WDTC1: variants seen among roughly 807,000 people sequenced by gnomAD.
WDTC1 encodes the protein WD and tetratricopeptide repeats 1.
In WDTC1, 12 loss-of-function variants were observed where a neutral mutation model predicts 76.0. The observed-to-expected ratio is 0.16, with a 90% CI of 0.10 to 0.26. WDTC1 has a LOEUF of 0.26. Ranked by LOEUF, WDTC1 falls within the 10% of genes least tolerant of loss-of-function variation. WDTC1 has a pLI of 1.00. For missense variants in WDTC1, 511 were observed against 908.8 expected (o/e 0.56, Z 5.63); for synonymous variants, 326 against 350.8 (o/e 0.93, Z 0.79).
At chr1:27,247,768 GAGTGCAATGGCGTAGTCTC>G (rs890613879) in intron 1 of WDTC1, among the ~76,000 whole-genome samples, 30 of 149,528 alleles carry the variant, frequency 2.0e-4, no homozygotes, top group African/African-American at 6.2e-4. Flanking sequence ...GCCCAGCCTG[GAGTGCAATGGCGTAGTCTC>G]AGCTCACTAC....
chr1:27,303,872 T>G lies in WDTC1; in HGVS notation c.1643+77T>G. The G allele has an allele frequency of 6.4e-7, 1 of 1,565,450 alleles. No homozygotes were observed. The highest frequency in any genetic ancestry group is 8.7e-7 in the Non-Finnish European group (1 of 1,151,840). Reference sequence around the variant, plus strand: ...GTGGGGAGTGTTGGGGCATAATGGTTTCAGAGAAGAATCTCAAATCCCTGC... The same window carrying G: ...GTGGGGAGTGTTGGGGCATAATGGTGTCAGAGAAGAATCTCAAATCCCTGC... On this transcript the variant is annotated intron_variant, in intron 14 of 15. Transcript: ENST00000319394. The surrounding 1 kb of genome is among the most constrained non-coding windows in gnomAD (Gnocchi z 4.8).
intron 3 of WDTC1, among the ~76,000 whole-genome samples, chr1:27,268,153 T>C (rs2012732221): frequency 6.6e-6 from 1 of 152,124 alleles, no homozygotes; most frequent in African/African-American, 2.4e-5. Context: ...TTTGAGAAAT[T>C]TCACAGGCGA....
chr1:27,295,360 A>G (rs1307620239), intron 9 of WDTC1, among the ~76,000 whole-genome samples: 2 of 152,242 alleles, frequency 1.3e-5, no homozygotes, highest in East Asian at 1.9e-4. Flanking sequence ...GACCTGTCCA[A>G]GGAATCATGA....
chr1:27,236,877 T>A (rs2011500371), intron 1 of WDTC1, among the ~76,000 whole-genome samples: 1 of 152,184 alleles, frequency 6.6e-6, no homozygotes, highest in Non-Finnish European at 1.5e-5. Context: ...CTTGCTCTGT[T>A]GCCCAGGCTG....
chr1:27,305,676 C>G lies in WDTC1; in HGVS notation c.1836+483C>G, dbSNP rs1462136789. Among the ~76,000 whole-genome samples the G allele has an allele frequency of 1.3e-5, 2 of 152,116 alleles. No individual in the cohort carries two copies. Among genetic ancestry groups the G allele is most frequent in the Non-Finnish European group, 2.9e-5 (2 of 68,004 alleles). On this transcript the variant is annotated intron_variant, in intron 15 of 15. Transcript: ENST00000319394. The surrounding 1 kb of genome is among the most constrained non-coding windows in gnomAD (Gnocchi z 4.6). ...AGCTGGCTTGGTGCCTCCCCTTCCCCTCTGCCCTACTGCTTCCCTCTTCCC... is the reference window on the plus strand; with the variant it reads ...AGCTGGCTTGGTGCCTCCCCTTCCCGTCTGCCCTACTGCTTCCCTCTTCCC...
intron 1 of WDTC1, among the ~76,000 whole-genome samples, chr1:27,251,146 C>T (rs1437564021): frequency 6.9e-6 from 1 of 145,810 alleles, no homozygotes; most frequent in African/African-American, 2.5e-5. Context: ...CCACCTTGGC[C>T]TCCCAAAATG....
intron 1 of WDTC1, among the ~76,000 whole-genome samples, chr1:27,260,270 A>G (rs1434435817): frequency 6.6e-6 from 1 of 151,924 alleles, no homozygotes; most frequent in Non-Finnish European, 1.5e-5. Context: ...ACACCCAGCT[A>G]ATTTTTTTGT....
intron 6 of WDTC1, among the ~76,000 whole-genome samples, chr1:27,288,508 T>C (rs1464075105): frequency 6.6e-6 from 1 of 152,044 alleles, no homozygotes; most frequent in Non-Finnish European, 1.5e-5. Context: ...CCCTCTGCAG[T>C]GTTTGTGTCC....
At chr1:27,244,779 C>A (rs1327681435) in intron 1 of WDTC1, among the ~76,000 whole-genome samples, 2 of 152,182 alleles carry the variant, frequency 1.3e-5, no homozygotes, top group African/African-American at 4.8e-5. Context: ...TTGCATACAT[C>A]TTTGCATAAT....
intron 5 of WDTC1, among the ~76,000 whole-genome samples, chr1:27,284,255 C>T (rs4970516): frequency 0.74 from 112,312 of 152,000 alleles, 42,503 homozygotes; most frequent in East Asian, 0.86. Context: ...CCTATCCCTG[C>T]ACTTGTCCAC....
At chr1:27,246,375 T>C (rs1034067457) in intron 1 of WDTC1, among the ~76,000 whole-genome samples, 5 of 152,222 alleles carry the variant, frequency 3.3e-5, no homozygotes, top group African/African-American at 1.2e-4. Context: ...TTGAAGTTTC[T>C]TCCATGTTGT....
chr1:27,276,426 T>C (rs2013029250), intron 3 of WDTC1, among the ~76,000 whole-genome samples: 1 of 152,126 alleles, frequency 6.6e-6, no homozygotes, highest in Non-Finnish European at 1.5e-5. Context: ...CCAGGCGCGG[T>C]GACTTATGCC....
rs369628875 is a variant in WDTC1, at chr1:27,287,686, G to T, written c.304G>T (p.Ala102Ser). The change falls in exon 6 of 16, where the codon GCT becomes TCT. Residue 102 changes from alanine to serine, a missense_variant. Coordinates refer to ENST00000319394, the MANE Select transcript of WDTC1 (RefSeq NM_001276252.2). The stretch of plus-strand genomic sequence containing the variant: ...TTCTCCTATATAGTTCCTGCCTCAC[G>T]CTGGGGACCGCATCTTGATCACGGG... ...NIFSVKFLPH[A>S]GDRILITGAA... 1 of 1,613,558 alleles carries T rather than the reference G, an allele frequency of 6.2e-7. No individual in the cohort carries two copies. The highest frequency in any genetic ancestry group is 8.5e-7 in the Non-Finnish European group (1 of 1,179,816).
chr1:27,264,331 C>A (rs2012587528), intron 3 of WDTC1, among the ~76,000 whole-genome samples: 1 of 151,986 alleles, frequency 6.6e-6, no homozygotes. Flanking sequence ...ATGACACATG[C>A]CTATAGTCCC....
At chr1:27,265,933 C>A (rs2012649733) in intron 3 of WDTC1, among the ~76,000 whole-genome samples, 1 of 151,788 alleles carries the variant, frequency 6.6e-6, no homozygotes, top group Admixed American at 6.6e-5. Context: ...GGGCAACAAG[C>A]ACAAAACTCC....
chr1:27,271,283 T>C (rs1269252202), intron 3 of WDTC1, among the ~76,000 whole-genome samples: 1 of 150,534 alleles, frequency 6.6e-6, no homozygotes, highest in Non-Finnish European at 1.5e-5. Context: ...GGCGTGATCT[T>C]GGCTCACTGC....
Position 27,296,530 on chromosome 1 carries a change from C to A in WDTC1, c.949+129C>A. 4 of 937,090 alleles carry A rather than the reference C, an allele frequency of 4.3e-6. No homozygotes were observed. In the Admixed American group the frequency reaches 6.2e-5, roughly 14 times the overall value. The allele number at this position is 937,090 out of a possible 1,614,324, so 58.0% of individuals were successfully genotyped here. On this transcript the variant is annotated intron_variant, in intron 10 of 15. Transcript: ENST00000319394. ...CAAAAATAGCAGATCTCTGAAATAA[C>A]CCCACCTATGCAGTAAGAAAGAGGA...
chr1:27,269,898 C>T (rs972222777), intron 3 of WDTC1, among the ~76,000 whole-genome samples: 1 of 142,822 alleles, frequency 7.0e-6, no homozygotes, highest in African/African-American at 2.6e-5. Context: ...GCATGAGCCA[C>T]CACGCCCGGC....
At chr1:27,254,260 A>G (rs2012197809) in intron 1 of WDTC1, among the ~76,000 whole-genome samples, 1 of 152,170 alleles carries the variant, frequency 6.6e-6, no homozygotes, top group Non-Finnish European at 1.5e-5. Context: ...CTCTACCAGT[A>G]TGCTATCATT....
Sources: gnomAD v4.1 joint callset for allele counts (sites outside exome capture counted in the v4.1 genomes callset) on GRCh38, gnomAD v4.1.1 for gene constraint, Gnocchi (gnomAD v3.1) non-coding constraint, MANE v1.5 for transcripts, NCBI Gene and HGNC (gene_info 2026-07-23, HGNC 2026-07-21) for gene names.